Variants in SNTG1 observed in about 807,000 individuals in gnomAD.
SNTG1 encodes the protein gamma-1-syntrophin.
In SNTG1, 39 loss-of-function variants were observed where a neutral mutation model predicts 74.7. The ratio of observed to expected loss-of-function variants is 0.52; its 90% CI spans 0.40 to 0.68. The LOEUF (loss-of-function observed/expected upper bound fraction) is 0.68. SNTG1 is among the 30% of genes least tolerant of loss of function. The pLI is 0.00. For missense variants in SNTG1, 685 were observed against 609.5 expected, an observed-to-expected ratio of 1.12 and a Z score of -1.30; for synonymous variants, 254 against 217.1, an observed-to-expected ratio of 1.17 and a Z score of -1.49.
At chr8:49,993,571 G>A (rs971734990) in intron 1 of SNTG1, among the ~76,000 whole-genome samples, 22 of 152,030 alleles carry the variant, frequency 1.4e-4, no homozygotes, top group African/African-American at 3.6e-4. Flanking sequence ...CCCACACCCC[G>A]AAAGGCCAAG....
intron 1 of SNTG1, among the ~76,000 whole-genome samples, chr8:50,013,746 TAA>T (rs981502248): frequency 6.6e-6 from 1 of 152,114 alleles, no homozygotes; most frequent in Non-Finnish European, 1.5e-5. Flanking sequence ...TATAATTGTA[TAA>T]AACTTCACAT....
At chr8:50,301,305 A>G (rs1257660967) in intron 2 of SNTG1, among the ~76,000 whole-genome samples, 1 of 152,010 alleles carries the variant, frequency 6.6e-6, no homozygotes, top group Non-Finnish European at 1.5e-5. Flanking sequence ...TACTGATTTA[A>G]CTTTAGGTTC....
intron 2 of SNTG1, among the ~76,000 whole-genome samples, chr8:50,321,622 T>G (rs1384322339): frequency 6.6e-6 from 1 of 152,080 alleles, no homozygotes; most frequent in Non-Finnish European, 1.5e-5. Flanking sequence ...CCTGTCTTCT[T>G]TTACTGAAGC....
chr8:50,018,212 A>C (rs1816510495), intron 1 of SNTG1, among the ~76,000 whole-genome samples: 1 of 152,024 alleles, frequency 6.6e-6, no homozygotes. Flanking sequence ...TAGTAAAAAC[A>C]AGCTTGAGGA....
chr8:50,612,402 A>T (rs1211933922), intron 13 of SNTG1, among the ~76,000 whole-genome samples: 1 of 152,220 alleles, frequency 6.6e-6, no homozygotes, highest in Non-Finnish European at 1.5e-5. Flanking sequence ...ATATAATTTT[A>T]TTAAAATGCT....
chr8:49,961,238 C>T (rs2129724033), intron 1 of SNTG1, among the ~76,000 whole-genome samples: 1 of 152,244 alleles, frequency 6.6e-6, no homozygotes, highest in Admixed American at 6.5e-5. Flanking sequence ...TGTTGTTTGC[C>T]AGGCAAAAAT....
intron 13 of SNTG1, among the ~76,000 whole-genome samples, chr8:50,592,543 A>C (rs2094698583): frequency 6.6e-6 from 1 of 152,218 alleles, no homozygotes; most frequent in Non-Finnish European, 1.5e-5. Context: ...CCAGGTTTAG[A>C]ATAGTATTAA....
intron 4 of SNTG1, among the ~76,000 whole-genome samples, chr8:50,410,207 A>G (rs544083046): frequency 6.6e-6 from 1 of 152,304 alleles, no homozygotes; most frequent in East Asian, 1.9e-4. Context: ...TATCTAGACT[A>G]GTGCACCTAT....
intron 18 of SNTG1, among the ~76,000 whole-genome samples, chr8:50,769,361 G>T (rs1185179774): frequency 6.6e-6 from 1 of 151,880 alleles, no homozygotes; most frequent in Non-Finnish European, 1.5e-5. Flanking sequence ...TTTAGTAAGT[G>T]ACCCAAGTAA....
intron 2 of SNTG1, among the ~76,000 whole-genome samples, chr8:50,379,419 G>T (rs1364777407): frequency 2.0e-5 from 3 of 152,134 alleles, no homozygotes; most frequent in African/African-American, 7.2e-5. Context: ...GTGCCGATGG[G>T]GGGTCAGGGG....
chr8:50,487,455 T>A (rs970192610), intron 8 of SNTG1, among the ~76,000 whole-genome samples: 15 of 152,108 alleles, frequency 9.9e-5, no homozygotes, highest in Non-Finnish European at 2.1e-4. Context: ...CCAACAATGA[T>A]AGACTGGATT....
intron 8 of SNTG1, among the ~76,000 whole-genome samples, chr8:50,457,750 C>A (rs1318750141): frequency 6.6e-6 from 1 of 152,040 alleles, no homozygotes; most frequent in Non-Finnish European, 1.5e-5. Context: ...ACAGCAATCG[C>A]GAATGGGAGT....
intron 1 of SNTG1, among the ~76,000 whole-genome samples, chr8:49,923,651 A>ATATAT (rs1424043985): frequency 1.3e-5 from 2 of 152,090 alleles, no homozygotes; most frequent in Admixed American, 6.6e-5. Flanking sequence ...ACTATATTAT[A>ATATAT]ACTGCTCCTA....
At chr8:50,116,283 T>G (rs1322905377) in intron 1 of SNTG1, among the ~76,000 whole-genome samples, 1 of 152,176 alleles carries the variant, frequency 6.6e-6, no homozygotes, top group South Asian at 2.1e-4. Flanking sequence ...AATGCCTTTT[T>G]TTCTACTTAA....
intron 1 of SNTG1, among the ~76,000 whole-genome samples, chr8:49,980,569 G>A (rs1812587761): frequency 7.1e-6 from 1 of 141,470 alleles, no homozygotes; most frequent in Admixed American, 7.2e-5. Flanking sequence ...TGCCTCATGA[G>A]CTCCCAGGGC....
At chr8:50,062,378 T>C in intron 1 of SNTG1, among the ~76,000 whole-genome samples, 1 of 152,112 alleles carries the variant, frequency 6.6e-6, no homozygotes, top group Non-Finnish European at 1.5e-5. Context: ...CAATTATGGA[T>C]TTGTCTATTT....
intron 2 of SNTG1, among the ~76,000 whole-genome samples, chr8:50,226,181 T>A (rs2085318512): frequency 6.6e-6 from 1 of 152,184 alleles, no homozygotes; most frequent in South Asian, 2.1e-4. Context: ...CTGATTTTTT[T>A]ATCTTACCCA....
intron 2 of SNTG1, among the ~76,000 whole-genome samples, chr8:50,208,417 A>G (rs573541085): frequency 1.2e-4 from 18 of 152,000 alleles, no homozygotes; most frequent in Non-Finnish European, 2.2e-4. Flanking sequence ...TGCTGGGTAG[A>G]TCTTCTTCCA....
At chr8:50,235,550 T>A (rs1386825075) in intron 2 of SNTG1, among the ~76,000 whole-genome samples, 1 of 152,148 alleles carries the variant, frequency 6.6e-6, no homozygotes, top group Non-Finnish European at 1.5e-5. Context: ...CAGTGATCTG[T>A]GAGTGAGTGG....
Sources: allele counts gnomAD v4.1 joint callset (sites outside exome capture counted in the v4.1 genomes callset), GRCh38; gene constraint gnomAD v4.1.1; transcripts MANE v1.5; gene names NCBI Gene and HGNC (gene_info 2026-07-23, HGNC 2026-07-21).